The following SLC37A1 variants were observed in gnomAD, a reference collection of about 807,000 sequenced individuals.
SLC37A1 encodes the protein solute carrier family 37 member 1.
In SLC37A1, 49 loss-of-function variants were observed where a neutral mutation model predicts 75.3. The ratio of observed to expected loss-of-function variants is 0.65; its 90% CI spans 0.52 to 0.83. The LOEUF (loss-of-function observed/expected upper bound fraction) is 0.83. Ranked by LOEUF, SLC37A1 falls within the 40% of genes least tolerant of loss-of-function variation. The pLI is 0.00. For synonymous variants in SLC37A1, 268 were observed against 292.1 expected, an observed-to-expected ratio of 0.92 and a Z score of 0.84; for missense variants, 566 against 695.0, an observed-to-expected ratio of 0.81 and a Z score of 2.09.
At chr21:42,538,780 C>A (rs1027346068) in intron 5 of SLC37A1, among the ~76,000 whole-genome samples, 1 of 152,170 alleles carries the variant, frequency 6.6e-6, no homozygotes, top group Non-Finnish European at 1.5e-5. Flanking sequence ...TTTTACCACC[C>A]CCCTCGAGGC....
At chr21:42,560,278 C>T (rs116904585) in intron 11 of SLC37A1, 9,911 of 152,658 alleles carry the variant, frequency 0.065, 456 homozygotes, top group Middle Eastern at 0.1. Flanking sequence ...AGAGCAGGGG[C>T]GTGGGAGGGA....
intron 1 of SLC37A1, among the ~76,000 whole-genome samples, chr21:42,516,693 G>C (rs1041820404): frequency 6.6e-6 from 1 of 152,130 alleles, no homozygotes; most frequent in African/African-American, 2.4e-5. Context: ...TGATTTGTCA[G>C]TGCCTTCTGG....
At chr21:42,572,699 T>C (rs1569044939) in intron 17 of SLC37A1, among the ~76,000 whole-genome samples, 1 of 38,544 alleles carries the variant, frequency 2.6e-5, no homozygotes, top group Non-Finnish European at 7.1e-5. Context: ...AAAGAGTGTG[T>C]CCTGAGGTTC....
intron 19 of SLC37A1, 46 bp downstream of exon 19, chr21:42,579,846 A>G: frequency 3.1e-6 from 5 of 1,595,750 alleles, no homozygotes; most frequent in Non-Finnish European, 4.3e-6. Context: ...AGCCGGCTCC[A>G]AAGTGCCTTC....
At chr21:42,508,181 T>C (rs1408247895) in intron 2 of SLC37A1, among the ~76,000 whole-genome samples, 2 of 138,514 alleles carry the variant, frequency 1.4e-5, no homozygotes, top group African/African-American at 2.8e-5. Flanking sequence ...CAGGCTGGAG[T>C]GCAATGGCGC....
chr21:42,572,546 C>T (rs1331382787), intron 17 of SLC37A1, among the ~76,000 whole-genome samples: 2 of 151,878 alleles, frequency 1.3e-5, no homozygotes, highest in East Asian at 1.9e-4. Context: ...AACTTTGTAT[C>T]GACCATTTTA....
In SLC37A1 at chr21:42,547,403, TGGCCAGGCC is replaced by T. The variant is rs2055437355; in HGVS notation, c.768+264_768+272del. On this transcript the variant is annotated intron_variant, in intron 9 of 19. Coordinates refer to ENST00000352133, the MANE Select transcript of SLC37A1 (RefSeq NM_001320537.2). This position sits in a 1 kb window ranked among gnomAD's most constrained non-coding sequence, Gnocchi z 6.1. ...CTAAGGGGAACCAAAGGCTGGGCCC[TGGCCAGGCC>T]TCCTCAGGAGTGGAGACCTCCTGGT... The T allele has an allele frequency of 5.0e-5, 21 of 423,364 alleles. No homozygotes were observed. The South Asian group carries it at 7.7e-4, about 15-fold the overall frequency. The allele number at this position is 423,364 out of a possible 1,614,324, so 26.2% of individuals were successfully genotyped here.
At chr21:42,525,965 T>A in intron 3 of SLC37A1, 108 bp downstream of exon 3, 1 of 731,094 alleles carries the variant, frequency 1.4e-6, no homozygotes, top group South Asian at 1.8e-5. Flanking sequence ...GGAAACAGAT[T>A]ATGTAGAAAC....
chr21:42,565,929 C>T (rs1026069575), intron 15 of SLC37A1, 54 bp downstream of exon 15: 3 of 1,548,792 alleles, frequency 1.9e-6, no homozygotes, highest in African/African-American at 1.4e-5. Context: ...AAAGTTCACA[C>T]AGCTGGCAAG....
In SLC37A1 at chr21:42,545,433, A is replaced by G. The variant is rs111394317; in HGVS notation, c.731-1670A>G. On this transcript the variant is annotated intron_variant, in intron 8 of 19. Transcript: ENST00000352133. This position sits in a 1 kb window ranked among gnomAD's most constrained non-coding sequence, Gnocchi z 4.0. ...TGCCCCTCCTTGTCCCGAATCACTG[A>G]TCCTGGGCAGGTACTAAAGGCATCA... 1.3e-5 allele frequency among the ~76,000 whole-genome samples: 2 copies of G among 152,114 alleles called. No homozygotes were observed. Among genetic ancestry groups the G allele is most frequent in the African/African-American group, 4.8e-5 (2 of 41,420 alleles).
chr21:42,540,933 G>A (rs1024599149), intron 6 of SLC37A1, among the ~76,000 whole-genome samples: 6 of 152,306 alleles, frequency 3.9e-5, no homozygotes, highest in South Asian at 2.1e-4. Context: ...GGCCCAGCCC[G>A]GTCAGCCCAG....
upstream of SLC37A1, among the ~76,000 whole-genome samples, chr21:42,512,226 G>C (rs1012943952): frequency 8.7e-6 from 1 of 114,826 alleles, no homozygotes; most frequent in African/African-American, 3.3e-5. Flanking sequence ...AACTGGGTGG[G>C]GGGGAGGGGG....
intron 3 of SLC37A1, among the ~76,000 whole-genome samples, chr21:42,531,243 G>T (rs1021596867): frequency 1.3e-5 from 2 of 152,196 alleles, no homozygotes; most frequent in African/African-American, 4.8e-5. Flanking sequence ...CACTCGTCGC[G>T]CTGTGACTCC....
chr21:42,548,174 C>A lies in SLC37A1; in HGVS notation c.768+1034C>A, dbSNP rs545667421. On this transcript the variant is annotated intron_variant, in intron 9 of 19. Coordinates refer to ENST00000352133, the MANE Select transcript of SLC37A1 (RefSeq NM_001320537.2). The surrounding 1 kb of genome is among the most constrained non-coding windows in gnomAD (Gnocchi z 5.6). ...GGCCTCCTCTCTCCTTGTCTGCCCG[C>A]TCACTGCAGGAGAGCGCGCTCGGGC... Among the ~76,000 whole-genome samples, 4 of 152,162 alleles carry A rather than the reference C, an allele frequency of 2.6e-5. No individual in the cohort carries two copies. The highest frequency in any genetic ancestry group is 9.7e-5 in the African/African-American group (4 of 41,446).
chr21:42,528,215 CGAT>C (rs1326877937), intron 3 of SLC37A1, among the ~76,000 whole-genome samples: 3 of 152,110 alleles, frequency 2.0e-5, no homozygotes, highest in Non-Finnish European at 4.4e-5. Flanking sequence ...GTATTTTTCT[CGAT>C]GATGATGATA....
At chr21:42,573,454 G>A (rs1303613468) in intron 17 of SLC37A1, among the ~76,000 whole-genome samples, 4 of 152,176 alleles carry the variant, frequency 2.6e-5, no homozygotes, top group African/African-American at 9.7e-5. Context: ...TGTGTTAGCT[G>A]TCAGCCCTTC....
intron 15 of SLC37A1, 49 bp downstream of exon 15, chr21:42,565,924 TC>T (rs760817633): frequency 6.4e-7 from 1 of 1,567,648 alleles, no homozygotes; most frequent in South Asian, 1.1e-5. Flanking sequence ...TTTTTAAAGT[TC>T]ACACAGCTGG....
chr21:42,513,764 G>A (rs1167978087), upstream of SLC37A1: 1 of 147,044 alleles, frequency 6.8e-6, no homozygotes, highest in Non-Finnish European at 1.5e-5. Context: ...GCGGCGGCCG[G>A]GGAGGGGGAG....
At chr21:42,549,527 C>T (rs955457144) in intron 9 of SLC37A1, among the ~76,000 whole-genome samples, 2 of 152,200 alleles carry the variant, frequency 1.3e-5, no homozygotes, top group Non-Finnish European at 2.9e-5. Flanking sequence ...TGGCTGGTCG[C>T]AGAGGGAGAG....
Sources: gnomAD v4.1 joint callset for allele counts (sites outside exome capture counted in the v4.1 genomes callset) on GRCh38, gnomAD v4.1.1 for gene constraint, Gnocchi (gnomAD v3.1) non-coding constraint, MANE v1.5 for transcripts, NCBI Gene and HGNC (gene_info 2026-07-23, HGNC 2026-07-21) for gene names.